Variants in TDRD9 observed in about 807,000 individuals in gnomAD.
The protein encoded by TDRD9 is tudor domain containing 9, also known as ATP-dependent RNA helicase TDRD9.
Under a neutral mutation model 172.6 loss-of-function variants are expected in TDRD9, and 124 were observed. The observed-to-expected ratio is 0.72, with a 90% CI of 0.62 to 0.83. The LOEUF (loss-of-function observed/expected upper bound fraction) is 0.83. Ranked by LOEUF, TDRD9 falls within the 40% of genes least tolerant of loss-of-function variation. TDRD9 has a pLI of 0.00. For missense variants in TDRD9, 1,479 were observed against 1,714.1 expected, an observed-to-expected ratio of 0.86 and a Z score of 2.42; for synonymous variants, 619 against 617.1, an observed-to-expected ratio of 1.00 and a Z score of -0.05.
intron 33 of TDRD9, among the ~76,000 whole-genome samples, chr14:104,041,754 A>G (rs923677165): frequency 4.6e-5 from 7 of 152,220 alleles, no homozygotes; most frequent in African/African-American, 1.4e-4. Flanking sequence ...AATGCAGATT[A>G]GTACCACTAT....
chr14:104,026,793 C>G lies in TDRD9; in HGVS notation c.3136C>G (p.Leu1046Val), dbSNP rs751028126. 3.1e-6 allele frequency: 5 copies of G among 1,614,058 alleles called. No homozygotes were observed. Among genetic ancestry groups the G allele is most frequent in the South Asian group, 1.1e-5 (1 of 91,078 alleles). The change falls in exon 28 of 36, where the codon CTC becomes GTC. Residue 1046 changes from leucine to valine, a missense_variant. Physicochemically the swap from Leu to Val is conservative, Grantham distance 32 (BLOSUM62 1). Coordinates refer to ENST00000409874, the MANE Select transcript of TDRD9 (RefSeq NM_153046.3). The stretch of plus-strand genomic sequence containing the variant: ...CGCCTCTCTGGTGAGCGGCTGCACC[C>G]TCCTTGTGAAGGTCTTCTCTGTGGT... The part of the protein sequence containing the change: ...WFASLVSGCT[L>V]LVKVFSVVHS...
At chr14:104,006,618 ATTC>A (rs1335121101) in intron 16 of TDRD9, 25 bp from the exon 17 acceptor site, 18 of 1,613,384 alleles carry the variant, frequency 1.1e-5, no homozygotes, top group Non-Finnish European at 1.2e-5. Flanking sequence ...ACAATCTTAC[ATTC>A]TTCTTGTTTA....
At position 103,976,563 on chromosome 14, in the gene TDRD9, T is replaced by G. The variant is rs2033255181; in HGVS notation, c.1011+1010T>G. Reference sequence around the variant, plus strand: ...GGCATGAGCCACCGCGCCTGGCCTATCCATTCATCTCTTAATGTACACCTA... The same window carrying G: ...GGCATGAGCCACCGCGCCTGGCCTAGCCATTCATCTCTTAATGTACACCTA... On this transcript the variant is annotated intron_variant, in intron 7 of 35. Coordinates refer to ENST00000409874, the MANE Select transcript of TDRD9 (RefSeq NM_153046.3). Among the ~76,000 whole-genome samples, 5 of 152,090 alleles carry G rather than the reference T, an allele frequency of 3.3e-5. No individual in the cohort carries two copies. The South Asian group carries it at 8.3e-4, about 25-fold the overall frequency.
chr14:104,036,398 G>A (rs1386412018), intron 32 of TDRD9, among the ~76,000 whole-genome samples: 8 of 152,180 alleles, frequency 5.3e-5, no homozygotes, highest in African/African-American at 7.2e-5. Context: ...AAGTTCAGGC[G>A]TCTTGGAGCC....
chr14:103,982,525 C>T (rs1055900388), intron 7 of TDRD9, among the ~76,000 whole-genome samples: 9 of 152,294 alleles, frequency 5.9e-5, no homozygotes, highest in Non-Finnish European at 1.2e-4. Context: ...GTGGTGGCAT[C>T]CTGGTTTTTC....
At position 103,998,662 on chromosome 14, in the gene TDRD9, G is replaced by A; in HGVS notation, c.1417G>A (p.Glu473Lys). The change falls in exon 13 of 36, where the codon GAA becomes AAA. Residue 473 changes from glutamate to lysine, a missense_variant. Transcript: ENST00000409874. ...TTTGACTAGAACTTTGGTCTGTGAT[G>A]AAGATACAAATTATCAGAGTCTGCG... ...FCLTRTLVCDEDTNYQSLRLS... is the reference protein window; with the variant it reads ...FCLTRTLVCDKDTNYQSLRLS... 6.2e-7 allele frequency: 1 copy of A among 1,611,544 alleles called. No individual in the cohort carries two copies. Among genetic ancestry groups the A allele is most frequent in the Non-Finnish European group, 8.5e-7 (1 of 1,177,724 alleles).
intron 1 of TDRD9, among the ~76,000 whole-genome samples, chr14:103,931,747 A>G (rs2030401771): frequency 6.6e-6 from 1 of 152,238 alleles, no homozygotes; most frequent in East Asian, 1.9e-4. Context: ...AAGGTTACAG[A>G]TCATAGGACA....
In TDRD9 at chr14:104,034,997, T is replaced by A. The variant is rs1355113760; in HGVS notation, c.3657T>A (p.Pro1219=). The change falls in exon 32 of 36, where the codon CCT becomes CCA. Residue 1219 remains proline (P), a synonymous_variant. Transcript: ENST00000409874. ...TMLLRETSLM[P]HIPGLPALLS... ...TGCTGAGAGAAACCTCTCTGATGCC[T>A]CATATCCCTGGCCTCCCGGCTCTCC... The A allele has an allele frequency of 6.4e-7, 1 of 1,551,828 alleles. No individual in the cohort carries two copies. Among genetic ancestry groups the A allele is most frequent in the South Asian group, 1.2e-5 (1 of 84,062 alleles).
chr14:103,950,686 G>A (rs796514188), intron 1 of TDRD9, among the ~76,000 whole-genome samples: 4 of 152,270 alleles, frequency 2.6e-5, no homozygotes, highest in African/African-American at 9.6e-5. Context: ...GAAATATTGT[G>A]TACCTCATCT....
rs1394348920 is a variant in TDRD9, at chr14:103,956,100, AAAAAAAAAAAAATATATATATAT to A, written c.322+332_322+354del. 2.3e-4 allele frequency among the ~76,000 whole-genome samples: 13 copies of A among 55,524 alleles called. No individual in the cohort carries two copies. The East Asian group carries it at 4.7e-3, about 20-fold the overall frequency. The allele number at this position is 55,524 out of a possible 152,430, so 36.4% of individuals were successfully genotyped here. A position where few individuals can be genotyped will look rare whatever the true frequency, so the allele number is the denominator to read the frequency against. The stretch of plus-strand genomic sequence containing the variant: ...TCTTTAAAAAAAAAAAAAAAAAAAA[AAAAAAAAAAAAATATATATATAT>A]ATATATATATATATATATATATATA... On this transcript the variant is annotated intron_variant, in intron 2 of 35. Coordinates refer to ENST00000409874, the MANE Select transcript of TDRD9 (RefSeq NM_153046.3).
intron 1 of TDRD9, among the ~76,000 whole-genome samples, chr14:103,950,122 TCTTGTTGCCCAGG>T (rs1242957271): frequency 3.1e-5 from 4 of 127,820 alleles, no homozygotes; most frequent in Non-Finnish European, 4.9e-5. Flanking sequence ...GGAGTTTCGC[TCTTGTTGCCCAGG>T]CTGGAGTGCC....
At chr14:104,036,319 G>A (rs2035449326) in intron 32 of TDRD9, among the ~76,000 whole-genome samples, 1 of 152,180 alleles carries the variant, frequency 6.6e-6, no homozygotes, top group East Asian at 1.9e-4. Flanking sequence ...TGTCTGAAAG[G>A]ATTGAATATG....
intron 32 of TDRD9, among the ~76,000 whole-genome samples, chr14:104,038,633 G>C (rs1198107205): frequency 1.3e-5 from 2 of 152,196 alleles, no homozygotes; most frequent in Admixed American, 6.5e-5. Context: ...TGGTGGGTTG[G>C]TGCTGAGGGT....
intron 1 of TDRD9, chr14:103,941,175 G>A (rs2031207629): frequency 8.2e-7 from 1 of 1,220,794 alleles, no homozygotes; most frequent in Non-Finnish European, 1.1e-6. Flanking sequence ...CCAAAATACA[G>A]CTTGAATAAT....
intron 9 of TDRD9, among the ~76,000 whole-genome samples, chr14:103,992,444 A>G (rs954144059): frequency 6.6e-6 from 1 of 152,220 alleles, no homozygotes; most frequent in Non-Finnish European, 1.5e-5. Context: ...ATGAGCTGAC[A>G]GTGGGGTGGT....
intron 23 of TDRD9, among the ~76,000 whole-genome samples, chr14:104,018,518 C>T (rs796809908): frequency 6.6e-6 from 1 of 152,182 alleles, no homozygotes; most frequent in Admixed American, 6.5e-5. Flanking sequence ...GAGATTTTCT[C>T]AGTGAGTCAT....
intron 6 of TDRD9, among the ~76,000 whole-genome samples, chr14:103,973,277 C>A (rs910224609): frequency 3.3e-5 from 5 of 152,138 alleles, no homozygotes; most frequent in African/African-American, 7.2e-5. Flanking sequence ...AAAAAACTCT[C>A]AAAAAATCTG....
At chr14:103,967,772 G>A (rs1182386433) in intron 5 of TDRD9, among the ~76,000 whole-genome samples, 2 of 151,972 alleles carry the variant, frequency 1.3e-5, no homozygotes, top group African/African-American at 4.8e-5. Flanking sequence ...TATATAATAC[G>A]GTTCAGAATT....
At chr14:103,952,214 ATATATATTTT>A (rs2031943942) in intron 1 of TDRD9, among the ~76,000 whole-genome samples, 1 of 57,398 alleles carries the variant, frequency 1.7e-5, no homozygotes, top group Non-Finnish European at 2.9e-5. Flanking sequence ...ATATATATAT[ATATATATTTT>A]TTTTTTTTTT....
Sources: allele counts gnomAD v4.1 joint callset (sites outside exome capture counted in the v4.1 genomes callset), GRCh38; gene constraint gnomAD v4.1.1; transcripts MANE v1.5; gene names NCBI Gene and HGNC (gene_info 2026-07-23, HGNC 2026-07-21).